Variants in COL24A1 observed in about 807,000 individuals in gnomAD.
COL24A1 encodes the protein collagen alpha-1(XXIV) chain.
COL24A1 carries 224 observed loss-of-function variants against 253.9 expected under a neutral mutation model. The observed-to-expected ratio is 0.88, with a 90% CI of 0.79 to 0.99. The LOEUF (loss-of-function observed/expected upper bound fraction) is 0.99, where lower values mean the gene tolerates loss of function less well. Ranked by LOEUF, COL24A1 falls within the 50% of genes least tolerant of loss-of-function variation. The pLI is 0.00. For synonymous variants in COL24A1, 685 were observed against 673.7 expected (o/e 1.02, Z -0.26); for missense variants, 2,131 against 2,068.5 (o/e 1.03, Z -0.59).
chr1:86,020,336 G>T (rs1697411128), intron 18 of COL24A1, among the ~76,000 whole-genome samples: 1 of 152,016 alleles, frequency 6.6e-6, no homozygotes, highest in Admixed American at 6.6e-5. Flanking sequence ...AAAGTGCTGG[G>T]ATTACAGGCG....
intron 28 of COL24A1, among the ~76,000 whole-genome samples, chr1:85,902,966 A>C (rs796253540): frequency 1.3e-5 from 2 of 152,196 alleles, no homozygotes; most frequent in African/African-American, 4.8e-5. Context: ...AAATACCCTA[A>C]ATACCCTGAC....
At chr1:85,757,269 A>C (rs1346849940) in intron 55 of COL24A1, among the ~76,000 whole-genome samples, 1 of 152,208 alleles carries the variant, frequency 6.6e-6, no homozygotes, top group Non-Finnish European at 1.5e-5. Context: ...TATCCCTTAG[A>C]CCAAACTATC....
chr1:85,869,587 C>T (rs966330230), intron 35 of COL24A1, among the ~76,000 whole-genome samples: 4 of 152,136 alleles, frequency 2.6e-5, no homozygotes, highest in Non-Finnish European at 5.9e-5. Flanking sequence ...ATTTCATATT[C>T]AGCCAAACTA....
intron 5 of COL24A1, among the ~76,000 whole-genome samples, chr1:86,097,407 T>C (rs983699213): frequency 3.3e-5 from 5 of 151,572 alleles, no homozygotes; most frequent in Admixed American, 3.3e-4. Context: ...GTCTTTCTTC[T>C]CCTTTTTCTA....
In COL24A1 at chr1:86,057,960, C is replaced by G; in HGVS notation, c.1822G>C (p.Glu608Gln). 1 of 1,613,120 alleles carries G rather than the reference C, an allele frequency of 6.2e-7. No homozygotes were observed. Among genetic ancestry groups the G allele is most frequent in the Non-Finnish European group, 8.5e-7 (1 of 1,179,418 alleles). ...GCACCTTTAGGACCTGGATTACCTT[C>G]TGGTCCAGCTAAACCCTGGTGTAAA... ...YPGRQGLAGPEGNPGPKGAQG... is the reference protein window; with the variant it reads ...YPGRQGLAGPQGNPGPKGAQG... Residue 608 changes from glutamate (E) to glutamine (Q), a missense_variant, in exon 10 of 60, where the codon GAA (glutamate) becomes CAA (glutamine). Glu to Gln is a conservative substitution (Grantham distance 29). Coordinates refer to ENST00000370571, the MANE Select transcript of COL24A1 (RefSeq NM_152890.7).
chr1:85,975,779 C>CA (rs1442763803), intron 20 of COL24A1, among the ~76,000 whole-genome samples: 1 of 152,072 alleles, frequency 6.6e-6, no homozygotes, highest in Non-Finnish European at 1.5e-5. Flanking sequence ...TGCAAGACAG[C>CA]AAAAAAACTG....
intron 24 of COL24A1, among the ~76,000 whole-genome samples, chr1:85,925,692 A>G (rs1687110653): frequency 1.3e-5 from 2 of 152,220 alleles, no homozygotes; most frequent in Admixed American, 1.3e-4. Flanking sequence ...TTAAAGACCT[A>G]AATGTTAGAC....
At chr1:86,061,508 A>T (rs371548631) in intron 8 of COL24A1, among the ~76,000 whole-genome samples, 1 of 152,206 alleles carries the variant, frequency 6.6e-6, no homozygotes, top group African/African-American at 2.4e-5. Flanking sequence ...TTTCGAATGG[A>T]TTGTCACAGA....
chr1:85,747,067 G>A (rs969339090), intron 55 of COL24A1, among the ~76,000 whole-genome samples: 2 of 149,788 alleles, frequency 1.3e-5, no homozygotes, highest in East Asian at 3.9e-4. Flanking sequence ...TATTATTAGA[G>A]GCCTTACAAA....
chr1:86,025,295 A>G (rs1321547070), intron 14 of COL24A1, among the ~76,000 whole-genome samples: 1 of 152,226 alleles, frequency 6.6e-6, no homozygotes, highest in African/African-American at 2.4e-5. Flanking sequence ...TGTTTGGGAT[A>G]TGGCATCAGA....
intron 31 of COL24A1, among the ~76,000 whole-genome samples, chr1:85,893,009 C>T (rs550479404): frequency 3.0e-4 from 46 of 152,120 alleles, no homozygotes; most frequent in African/African-American, 6.5e-4. Context: ...ACATCAATTA[C>T]GTATCAATAA....
Position 85,938,835 on chromosome 1 carries a change from C to T in COL24A1, c.2562+22414G>A, listed in dbSNP as rs1233230301. 4.2e-5 allele frequency among the ~76,000 whole-genome samples: 5 copies of T among 118,018 alleles called. 1 individual carries two copies. Among genetic ancestry groups the T allele is most frequent in the East Asian group, 3.3e-4 (1 of 3,016 alleles). 77.4% of individuals were successfully genotyped at this position (118,018 alleles called of 152,430 possible). On this transcript the variant is annotated intron_variant, in intron 24 of 59. Coordinates refer to ENST00000370571, the MANE Select transcript of COL24A1 (RefSeq NM_152890.7). ...CTGCTTGGAGTAAACTATAAAAGCC[C>T]AGTTACTTAAGCCTAGCATGGGACT...
chr1:85,816,356 A>C lies in COL24A1; in HGVS notation c.3951+432T>G, dbSNP rs1202351314. ...TTAGATGAACACAGAGAAAATATTC[A>C]CACAATTCTTGTAAAATACTGAGGC... On this transcript the variant is annotated intron_variant, in intron 47 of 59. Coordinates refer to ENST00000370571, the MANE Select transcript of COL24A1 (RefSeq NM_152890.7). Among the ~76,000 whole-genome samples, 5 of 152,350 alleles carry C rather than the reference A, an allele frequency of 3.3e-5. No individual in the cohort carries two copies. In the South Asian group the frequency reaches 6.2e-4, roughly 19 times the overall value.
intron 20 of COL24A1, among the ~76,000 whole-genome samples, chr1:85,973,238 C>T (rs1277256863): frequency 6.6e-6 from 1 of 151,276 alleles, no homozygotes; most frequent in Non-Finnish European, 1.5e-5. Context: ...TATTAATTTT[C>T]TACTATGTAT....
At position 85,784,137 on chromosome 1, in the gene COL24A1, A is replaced by G. The variant is rs1207619238; in HGVS notation, c.4197T>C (p.Gly1399=). ...CTTTAGGGCCTGGGAATCCTTGGAA[A>G]CCTGTCAAACCTTGAACACCATATT... ...PGEYGVQGLT[G]FQGFPGPKGP... Residue 1399 remains glycine, a synonymous_variant, in exon 50 of 60, where the codon GGT becomes GGC. Coordinates refer to ENST00000370571, the MANE Select transcript of COL24A1 (RefSeq NM_152890.7). The G allele has an allele frequency of 9.9e-6, 16 of 1,613,572 alleles. No homozygotes were observed. The highest frequency in any genetic ancestry group is 2.7e-5 in the African/African-American group (2 of 74,876).
intron 32 of COL24A1, among the ~76,000 whole-genome samples, chr1:85,887,380 T>G (rs559983712): frequency 5.3e-5 from 8 of 152,252 alleles, no homozygotes; most frequent in African/African-American, 1.9e-4. Flanking sequence ...GAACACTACA[T>G]AAACCAAGGG....
At position 85,928,727 on chromosome 1, in the gene COL24A1, G is replaced by A. The variant is rs1227877983; in HGVS notation, c.2563-17294C>T. Among the ~76,000 whole-genome samples the A allele has an allele frequency of 8.1e-3, 513 of 63,262 alleles. 201 individuals are homozygous for A. The highest frequency in any genetic ancestry group is 0.012 in the Non-Finnish European group (374 of 31,668). 41.5% of individuals were successfully genotyped at this position (63,262 alleles called of 152,430 possible). ...AAGGGAAGCCCATCAGACTAATAGCGGATCTCTTGGCAGAAACTCTATAAG... is the reference window on the plus strand; with the variant it reads ...AAGGGAAGCCCATCAGACTAATAGCAGATCTCTTGGCAGAAACTCTATAAG... On this transcript the variant is annotated intron_variant, in intron 24 of 59. Transcript: ENST00000370571.
chr1:86,146,086 G>A, intron 2 of COL24A1, 33 bp downstream of exon 2: 1 of 1,562,056 alleles, frequency 6.4e-7, no homozygotes, highest in Non-Finnish European at 8.8e-7. Flanking sequence ...GAATTTTTAA[G>A]TAAGCAAATA....
intron 24 of COL24A1, among the ~76,000 whole-genome samples, chr1:85,923,681 G>A (rs573234367): frequency 6.6e-6 from 1 of 152,206 alleles, no homozygotes; most frequent in South Asian, 2.1e-4. Context: ...GTGTGTAGAG[G>A]GAAATTTAGA....
Sources: allele counts gnomAD v4.1 joint callset (sites outside exome capture counted in the v4.1 genomes callset), GRCh38; gene constraint gnomAD v4.1.1; transcripts MANE v1.5; gene names NCBI Gene and HGNC (gene_info 2026-07-23, HGNC 2026-07-21).